SPAG17: variants seen among roughly 807,000 people sequenced by gnomAD.
The protein encoded by SPAG17 is sperm associated antigen 17.
SPAG17 carries 169 observed loss-of-function variants against 273.6 expected under a neutral mutation model. The ratio of observed to expected loss-of-function variants is 0.62; its 90% CI spans 0.55 to 0.70. The LOEUF is 0.70. Ranked by LOEUF, SPAG17 falls within the 30% of genes least tolerant of loss-of-function variation. The pLI, the probability that SPAG17 is intolerant of heterozygous loss-of-function variation, is 0.00. For missense variants in SPAG17, 2,557 were observed against 2,627.8 expected (o/e 0.97, Z 0.59); for synonymous variants, 825 against 873.2 (o/e 0.94, Z 0.97).
intron 18 of SPAG17, among the ~76,000 whole-genome samples, chr1:118,059,705 T>C (rs1001741568): frequency 6.6e-6 from 1 of 152,128 alleles, no homozygotes; most frequent in Non-Finnish European, 1.5e-5. Context: ...CTTTACCTTT[T>C]GTAACAATTT....
chr1:118,105,813 C>T (rs1005056884), intron 4 of SPAG17, among the ~76,000 whole-genome samples: 50 of 150,798 alleles, frequency 3.3e-4, no homozygotes, highest in African/African-American at 1.2e-3. Flanking sequence ...AACTAAGAGG[C>T]CAGTAAGAAG....
intron 1 of SPAG17, among the ~76,000 whole-genome samples, chr1:118,172,552 A>G (rs1660464110): frequency 6.6e-6 from 1 of 152,210 alleles, no homozygotes; most frequent in African/African-American, 2.4e-5. Flanking sequence ...TACCAGCTTC[A>G]GATAATCTGC....
At chr1:117,993,118 C>G (rs1657292413) in intron 35 of SPAG17, among the ~76,000 whole-genome samples, 1 of 152,136 alleles carries the variant, frequency 6.6e-6, no homozygotes, top group Admixed American at 6.6e-5. Context: ...ACTAAGCATG[C>G]CTCCAGAGTC....
At chr1:117,995,277 C>T (rs1262947598) in intron 34 of SPAG17, among the ~76,000 whole-genome samples, 1 of 152,110 alleles carries the variant, frequency 6.6e-6, no homozygotes, top group Non-Finnish European at 1.5e-5. Context: ...TATGTTCTTT[C>T]CCCTCGGAGA....
intron 29 of SPAG17, among the ~76,000 whole-genome samples, chr1:118,014,137 C>G (rs1002173039): frequency 6.6e-6 from 1 of 152,142 alleles, no homozygotes; most frequent in African/African-American, 2.4e-5. Flanking sequence ...ATTACTTAAC[C>G]TCTCTGTAGC....
At chr1:118,178,048 T>C (rs1239002738) in intron 1 of SPAG17, among the ~76,000 whole-genome samples, 1 of 152,096 alleles carries the variant, frequency 6.6e-6, no homozygotes, top group Non-Finnish European at 1.5e-5. Context: ...AAAAAGAGAA[T>C]ACTTCCAAAC....
chr1:118,021,568 T>C (rs1221450647), intron 28 of SPAG17, among the ~76,000 whole-genome samples: 2 of 152,184 alleles, frequency 1.3e-5, no homozygotes, highest in Non-Finnish European at 2.9e-5. Context: ...AATGTAAGAT[T>C]GGTTCATCAG....
intron 7 of SPAG17, 132 bp from the exon 8 acceptor site, chr1:118,093,449 A>G: frequency 1.2e-6 from 1 of 827,152 alleles, no homozygotes; most frequent in Non-Finnish European, 1.8e-6. Context: ...TCTCCAAACC[A>G]CTGAATCCCA....
At chr1:118,120,320 T>A (rs1268636987) in intron 3 of SPAG17, among the ~76,000 whole-genome samples, 3 of 143,630 alleles carry the variant, frequency 2.1e-5, no homozygotes, top group Non-Finnish European at 1.6e-5. Context: ...TTTTAATTGA[T>A]TAAAATTAAA....
chr1:118,031,174 ACTC>A (rs1648414837), intron 25 of SPAG17, among the ~76,000 whole-genome samples: 1 of 95,432 alleles, frequency 1.0e-5, no homozygotes, highest in South Asian at 3.0e-4. Flanking sequence ...TAGGAGGACT[ACTC>A]TTTTTTTTTT....
rs750628887 is a variant in SPAG17, at chr1:118,151,222, CA to C, written c.228+6del. On this transcript the variant is annotated splice_donor_region_variant and intron_variant, in intron 2 of 48. Transcript: ENST00000336338. ...CAGGTGGCTTTGAGGTAGGAAGGGACAGGTACCTGCTGGAGAATGTCTTGCC... is the reference window on the plus strand; with the variant it reads ...CAGGTGGCTTTGAGGTAGGAAGGGACGGTACCTGCTGGAGAATGTCTTGCC... The C allele has an allele frequency of 1.6e-5, 25 of 1,555,512 alleles. No individual in the cohort carries two copies. The African/African-American group carries it at 3.3e-4, about 20-fold the overall frequency.
At chr1:118,096,662 A>G (rs1655727977) in intron 7 of SPAG17, among the ~76,000 whole-genome samples, 1 of 152,190 alleles carries the variant, frequency 6.6e-6, no homozygotes, top group African/African-American at 2.4e-5. Context: ...CGTTTTGTTA[A>G]AAAGCCATCA....
intron 3 of SPAG17, 156 bp downstream of exon 3, chr1:118,150,386 AT>A (rs901076722): frequency 2.6e-5 from 11 of 418,262 alleles, no homozygotes; most frequent in East Asian, 1.5e-4. Context: ...AAGGAGGCAG[AT>A]TTTTTTTGTG....
intron 48 of SPAG17, among the ~76,000 whole-genome samples, chr1:117,955,994 T>C (rs376092923): frequency 7.9e-5 from 12 of 152,292 alleles, no homozygotes; most frequent in African/African-American, 2.9e-4. Flanking sequence ...CCAGGGTGAT[T>C]ATACTGATTT....
intron 48 of SPAG17, among the ~76,000 whole-genome samples, chr1:117,956,472 A>C (rs1263172913): frequency 6.6e-6 from 1 of 152,234 alleles, no homozygotes; most frequent in Non-Finnish European, 1.5e-5. Context: ...GGAATGTAAA[A>C]GAAAATTGAT....
At position 118,138,229 on chromosome 1, in the gene SPAG17, A is replaced by T. The variant is rs146894392; in HGVS notation, c.315+12314T>A. Among the ~76,000 whole-genome samples, 330 of 152,296 alleles carry T rather than the reference A, an allele frequency of 2.2e-3. 2 individuals carry two copies. Among genetic ancestry groups the T allele is most frequent in the African/African-American group, 7.4e-3 (306 of 41,556 alleles). On this transcript the variant is annotated intron_variant, in intron 3 of 48. Transcript: ENST00000336338. ...GGCTTCTTATGATAAAATGTCACAA[A>T]ATAATAGGAAACAAATACGTTGTTT...
chr1:118,028,008 G>A (rs1023613121), intron 26 of SPAG17, among the ~76,000 whole-genome samples: 3 of 152,018 alleles, frequency 2.0e-5, no homozygotes, highest in Non-Finnish European at 2.9e-5. Flanking sequence ...AGTGACCTTG[G>A]GCAAGTAACT....
intron 7 of SPAG17, among the ~76,000 whole-genome samples, chr1:118,096,090 T>C (rs1420141872): frequency 6.6e-6 from 1 of 152,202 alleles, no homozygotes; most frequent in Non-Finnish European, 1.5e-5. Context: ...TGTTTCTACA[T>C]AGTGACATCT....
intron 20 of SPAG17, among the ~76,000 whole-genome samples, chr1:118,045,288 T>C (rs1650222148): frequency 6.6e-6 from 1 of 152,164 alleles, no homozygotes; most frequent in Non-Finnish European, 1.5e-5. Context: ...ATTAGAAGTT[T>C]GGGACTTTCA....
Sources: allele counts gnomAD v4.1 joint callset (sites outside exome capture counted in the v4.1 genomes callset), GRCh38; gene constraint gnomAD v4.1.1; transcripts MANE v1.5; gene names NCBI Gene and HGNC (gene_info 2026-07-23, HGNC 2026-07-21).